Variants in CCND3 observed in about 807,000 individuals in gnomAD.
The protein encoded by CCND3 is G1/S-specific cyclin-D3.
In CCND3, 9 loss-of-function variants were observed where a neutral mutation model predicts 28.7. The ratio of observed to expected loss-of-function variants is 0.31; its 90% CI spans 0.19 to 0.55. CCND3 has a LOEUF of 0.55. Among genes scored for constraint, CCND3 ranks in the 20% least tolerant of loss-of-function variants. CCND3 has a pLI of 0.93. For synonymous variants in CCND3, 164 were observed against 163.9 expected (o/e 1.00, Z 0.00); for missense variants, 315 against 385.8 (o/e 0.82, Z 1.54).
intron 1 of CCND3, among the ~76,000 whole-genome samples, chr6:41,952,133 G>A (rs1267228357): frequency 1.3e-5 from 2 of 152,156 alleles, no homozygotes; most frequent in East Asian, 3.9e-4. Flanking sequence ...CTGTGAGGTA[G>A]AGGTGCTATT....
rs1226321344 is a variant in CCND3, at chr6:41,938,062, C to T, written c.415-668G>A. On this transcript the variant is annotated intron_variant, in intron 2 of 4. Coordinates refer to ENST00000372991, the MANE Select transcript of CCND3 (RefSeq NM_001760.5). This position sits in a 1 kb window ranked among gnomAD's most constrained non-coding sequence, Gnocchi z 4.6. ...CCTTTAGCTGGAACCCGTAGTGCCCCATGCCACTTGACTTTCAGGAGGATA... is the reference window on the plus strand; with the variant it reads ...CCTTTAGCTGGAACCCGTAGTGCCCTATGCCACTTGACTTTCAGGAGGATA... 1 of 153,442 alleles carries T rather than the reference C, an allele frequency of 6.5e-6. No individual in the cohort carries two copies. Among genetic ancestry groups the T allele is most frequent in the Non-Finnish European group, 1.4e-5 (1 of 69,060 alleles). 9.5% of individuals were successfully genotyped at this position (153,442 alleles called of 1,614,324 possible).
chr6:42,032,716 C>T (rs1317561060), intron 1 of CCND3, among the ~76,000 whole-genome samples: 1 of 152,214 alleles, frequency 6.6e-6, no homozygotes, highest in Non-Finnish European at 1.5e-5. Context: ...CTGGGAGTTC[C>T]GTTTCCCCTA....
intron 1 of CCND3, among the ~76,000 whole-genome samples, chr6:41,975,455 C>A (rs1401190887): frequency 2.6e-5 from 4 of 152,174 alleles, no homozygotes; most frequent in Admixed American, 6.5e-5. Flanking sequence ...TACTCCCAGG[C>A]TGGACTCATG....
chr6:41,995,861 C>G (rs1367775495), intron 1 of CCND3, among the ~76,000 whole-genome samples: 1 of 151,772 alleles, frequency 6.6e-6, no homozygotes, highest in Non-Finnish European at 1.5e-5. Context: ...CAAGACCAAC[C>G]TGGCCAACAC....
chr6:42,006,951 A>C (rs770083326), intron 1 of CCND3, among the ~76,000 whole-genome samples: 2 of 152,090 alleles, frequency 1.3e-5, no homozygotes, highest in Non-Finnish European at 2.9e-5. Context: ...GATAAAATGA[A>C]CACAATTCAT....
intron 1 of CCND3, among the ~76,000 whole-genome samples, chr6:42,011,931 C>A (rs922911784): frequency 6.6e-6 from 1 of 152,142 alleles, no homozygotes; most frequent in Non-Finnish European, 1.5e-5. Flanking sequence ...AGCAAGGTAG[C>A]CTTTCCATGC....
chr6:41,963,829 C>T (rs1355585062), intron 1 of CCND3, among the ~76,000 whole-genome samples: 7 of 151,672 alleles, frequency 4.6e-5, no homozygotes, highest in Admixed American at 4.6e-4. Context: ...TTTGAGCTGG[C>T]TGTTCCCTCT....
At chr6:41,937,501 G>C in intron 2 of CCND3, 107 bp from the exon 3 acceptor site, 1 of 1,308,540 alleles carries the variant, frequency 7.6e-7, no homozygotes, top group Admixed American at 2.1e-5. Context: ...AACTTTTAAA[G>C]CCCAAGACCC....
In CCND3 at chr6:41,935,767, C is replaced by A. The variant is rs867972088; in HGVS notation, c.*173G>T. Reference sequence around the variant, plus strand: ...GCCACCGAAATGCAGACATGGCTGGCCGGGCCCCTTAGTGCACACTGCGGG... The same window carrying A: ...GCCACCGAAATGCAGACATGGCTGGACGGGCCCCTTAGTGCACACTGCGGG... On this transcript the variant is annotated 3_prime_UTR_variant, in exon 5 of 5. Coordinates refer to ENST00000372991, the MANE Select transcript of CCND3 (RefSeq NM_001760.5). 69 of 608,684 alleles carry A rather than the reference C, an allele frequency of 1.1e-4. No individual in the cohort carries two copies. The highest frequency in any genetic ancestry group is 1.8e-4 in the Non-Finnish European group (61 of 346,714). 37.7% of individuals were successfully genotyped at this position (608,684 alleles called of 1,614,324 possible).
At chr6:42,017,490 T>C (rs1380653186) in intron 1 of CCND3, among the ~76,000 whole-genome samples, 2 of 152,224 alleles carry the variant, frequency 1.3e-5, no homozygotes, top group Non-Finnish European at 2.9e-5. Context: ...AAATGTCTTG[T>C]CTCCACAAAG....
intron 1 of CCND3, among the ~76,000 whole-genome samples, chr6:41,966,896 C>T (rs1389301607): frequency 6.6e-6 from 1 of 152,084 alleles, no homozygotes; most frequent in African/African-American, 2.4e-5. Context: ...TGGGGTGAGA[C>T]TAGAACAAAT....
At chr6:41,956,300 T>A (rs560106971) in intron 1 of CCND3, among the ~76,000 whole-genome samples, 16 of 151,686 alleles carry the variant, frequency 1.1e-4, no homozygotes, top group African/African-American at 2.2e-4. Context: ...TCAAAAAAAA[T>A]AAAATAAAAT....
At chr6:41,951,780 A>T (rs1310026169) in intron 1 of CCND3, among the ~76,000 whole-genome samples, 3 of 151,560 alleles carry the variant, frequency 2.0e-5, no homozygotes, top group East Asian at 3.9e-4. Context: ...ATTTTCTGAG[A>T]CAGAGTCTCG....
intron 1 of CCND3, among the ~76,000 whole-genome samples, chr6:41,952,640 G>C (rs1776342060): frequency 6.6e-6 from 1 of 152,210 alleles, no homozygotes; most frequent in African/African-American, 2.4e-5. Context: ...TCAGCACTTG[G>C]AAGTGAGGCT....
At chr6:42,036,391 ATATATATATATATTTTTTT>A (rs1173630034) in intron 1 of CCND3, among the ~76,000 whole-genome samples, 19 of 38,958 alleles carry the variant, frequency 4.9e-4, no homozygotes, top group African/African-American at 1.9e-3. Flanking sequence ...ATATATATAT[ATATATATATATATTTTTTT>A]TTTTTTTTTT....
intron 1 of CCND3, among the ~76,000 whole-genome samples, chr6:42,008,622 G>A (rs187401096): frequency 1.8e-4 from 27 of 152,308 alleles, no homozygotes; most frequent in Admixed American, 1.8e-3. Context: ...AAAATAAAGA[G>A]TGAAATATTC....
At chr6:42,040,990 G>A (rs909756504) in intron 1 of CCND3, among the ~76,000 whole-genome samples, 2 of 152,142 alleles carry the variant, frequency 1.3e-5, no homozygotes, top group Non-Finnish European at 2.9e-5. Flanking sequence ...ACAGGATATG[G>A]CAGCACTTAC....
At chr6:42,037,222 G>A (rs1196996709) in intron 1 of CCND3, among the ~76,000 whole-genome samples, 1 of 151,282 alleles carries the variant, frequency 6.6e-6, no homozygotes, top group Non-Finnish European at 1.5e-5. Flanking sequence ...TTACAGGCGT[G>A]AGCCACTGTG....
At chr6:41,937,428 T>C (rs2127391424) in intron 2 of CCND3, 34 bp from the exon 3 acceptor site, 1 of 1,612,958 alleles carries the variant, frequency 6.2e-7, no homozygotes, top group Non-Finnish European at 8.5e-7. Flanking sequence ...GGTCAGTGGC[T>C]GGAGAAGTGA....
Sources: gnomAD v4.1 joint callset for allele counts (sites outside exome capture counted in the v4.1 genomes callset) on GRCh38, gnomAD v4.1.1 for gene constraint, Gnocchi (gnomAD v3.1) non-coding constraint, MANE v1.5 for transcripts, NCBI Gene and HGNC (gene_info 2026-07-23, HGNC 2026-07-21) for gene names.